Variants in ARHGAP42 observed in about 807,000 individuals in gnomAD.
The protein encoded by ARHGAP42 is Rho GTPase activating protein 42, also known as rho GTPase-activating protein 42.
A neutral mutation model predicts 125.0 loss-of-function variants in ARHGAP42; 63 were observed. The ratio of observed to expected loss-of-function variants is 0.50; its 90% CI spans 0.41 to 0.62. The LOEUF is 0.62. Among genes scored for constraint, ARHGAP42 ranks in the 20% least tolerant of loss-of-function variants. The pLI, the probability that ARHGAP42 is intolerant of heterozygous loss-of-function variation, is 0.00. For synonymous variants in ARHGAP42, 339 were observed against 351.0 expected, an observed-to-expected ratio of 0.97 and a Z score of 0.38; for missense variants, 766 against 1,024.2, an observed-to-expected ratio of 0.75 and a Z score of 3.44.
At chr11:100,980,021 GAATAAC>G (rs763669332) in intron 22 of ARHGAP42, among the ~76,000 whole-genome samples, 2 of 152,116 alleles carry the variant, frequency 1.3e-5, no homozygotes, top group Non-Finnish European at 2.9e-5. Context: ...TAGTTATTAA[GAATAAC>G]AATAACAATA....
rs183040284 is a variant in ARHGAP42 at position 100,724,463 on chromosome 11, G to A, written c.154+36631G>A. Among the ~76,000 whole-genome samples the A allele has an allele frequency of 1.2e-4, 18 of 152,018 alleles. No homozygotes were observed. In the East Asian group the frequency reaches 2.5e-3, roughly 21 times the overall value. ...GTATGCACCTAGTGCTTTCTTTTTC[G>A]GGAGGTTTTTAGTTATTATTATTAT... On this transcript the variant is annotated intron_variant, in intron 1 of 23. Transcript: ENST00000298815.
chr11:100,838,170 G>T (rs949813433), intron 3 of ARHGAP42, among the ~76,000 whole-genome samples: 1 of 151,832 alleles, frequency 6.6e-6, no homozygotes, highest in African/African-American at 2.4e-5. Flanking sequence ...TTTGTGTGAT[G>T]CTTCCTTCTG....
chr11:100,846,958 A>G (rs1865082262), intron 3 of ARHGAP42, among the ~76,000 whole-genome samples: 1 of 152,174 alleles, frequency 6.6e-6, no homozygotes, highest in Non-Finnish European at 1.5e-5. Context: ...GGATGGCACC[A>G]GGTTCAAGCA....
chr11:100,975,641 G>T (rs570189243), intron 19 of ARHGAP42, among the ~76,000 whole-genome samples: 1 of 152,278 alleles, frequency 6.6e-6, no homozygotes, highest in East Asian at 1.9e-4. Flanking sequence ...AAAAGTAAAA[G>T]AAAGCAGAAA....
At chr11:100,846,760 A>T (rs900902410) in intron 3 of ARHGAP42, among the ~76,000 whole-genome samples, 6 of 152,128 alleles carry the variant, frequency 3.9e-5, no homozygotes, top group Non-Finnish European at 8.8e-5. Flanking sequence ...GGGCCTCGAG[A>T]CTTAGCCTAG....
chr11:100,878,012 A>AG (rs1420393016), intron 4 of ARHGAP42, among the ~76,000 whole-genome samples: 2 of 151,424 alleles, frequency 1.3e-5, no homozygotes, highest in African/African-American at 4.8e-5. Context: ...CCCAGAAAAA[A>AG]AAAAAAAAAA....
At chr11:100,823,298 G>A (rs1864444438) in intron 3 of ARHGAP42, among the ~76,000 whole-genome samples, 1 of 152,122 alleles carries the variant, frequency 6.6e-6, no homozygotes, top group Admixed American at 6.5e-5. Context: ...GTGAAAGATC[G>A]TGCCCTGGAA....
intron 4 of ARHGAP42, among the ~76,000 whole-genome samples, chr11:100,905,886 G>A (rs1192051566): frequency 6.6e-6 from 1 of 152,222 alleles, no homozygotes; most frequent in African/African-American, 2.4e-5. Flanking sequence ...GCCGAGGCAC[G>A]GGAATCGTTT....
intron 4 of ARHGAP42, among the ~76,000 whole-genome samples, chr11:100,900,655 A>C (rs963065099): frequency 6.6e-6 from 1 of 152,000 alleles, no homozygotes; most frequent in Non-Finnish European, 1.5e-5. Flanking sequence ...TATTTCATTA[A>C]TTTGATCTTC....
At chr11:100,979,281 A>G (rs1318073869) in intron 22 of ARHGAP42, among the ~76,000 whole-genome samples, 1 of 152,200 alleles carries the variant, frequency 6.6e-6, no homozygotes, top group African/African-American at 2.4e-5. Context: ...CTAAACAAAC[A>G]CATTTCCTAG....
At chr11:100,708,742 A>G (rs1327096300) in intron 1 of ARHGAP42, among the ~76,000 whole-genome samples, 1 of 152,194 alleles carries the variant, frequency 6.6e-6, no homozygotes. Flanking sequence ...AAATATTATA[A>G]TTGTATCACA....
rs776552447 is a variant in ARHGAP42 at position 100,961,017 on chromosome 11, A to G, written c.1300+28A>G. On this transcript the variant is annotated intron_variant, in intron 14 of 23. Transcript: ENST00000298815. Reference sequence around the variant, plus strand: ...AAGTTTTGGATGAAGCAACTTACATAATTTTTGTGTTCTTATAGGTAATCT... The same window carrying G: ...AAGTTTTGGATGAAGCAACTTACATGATTTTTGTGTTCTTATAGGTAATCT... The G allele has an allele frequency of 5.4e-6, 8 of 1,479,510 alleles. No homozygotes were observed. The South Asian group carries it at 1.1e-4, about 20-fold the overall frequency. 91.6% of individuals were successfully genotyped at this position (1,479,510 alleles called of 1,614,324 possible).
At chr11:100,875,755 G>GGGT (rs752651681) in intron 4 of ARHGAP42, among the ~76,000 whole-genome samples, 32 of 105,416 alleles carry the variant, frequency 3.0e-4, no homozygotes, top group Non-Finnish European at 5.2e-4. Flanking sequence ...GCCACGTCCA[G>GGGT]GGTGGCGGGG....
At chr11:100,769,712 CTT>C (rs140626690) in intron 1 of ARHGAP42, among the ~76,000 whole-genome samples, 1,430 of 77,924 alleles carry the variant, frequency 0.018, 8 homozygotes, top group Middle Eastern at 0.029. Context: ...AGCATTCCTT[CTT>C]TTTTTTTTTT....
chr11:100,738,433 T>C (rs188587904), intron 1 of ARHGAP42: 135 of 152,306 alleles, frequency 8.9e-4, no homozygotes, highest in African/African-American at 2.8e-3. Context: ...AACAAAGAAG[T>C]GCCAGCTTTG....
intron 1 of ARHGAP42, among the ~76,000 whole-genome samples, chr11:100,744,802 C>T (rs764288122): frequency 1.5e-4 from 23 of 151,978 alleles, no homozygotes; most frequent in Non-Finnish European, 2.5e-4. Context: ...GTTTCGGTGC[C>T]GCAAAAGAAA....
chr11:100,710,941 T>G (rs1861556334), intron 1 of ARHGAP42, among the ~76,000 whole-genome samples: 1 of 152,188 alleles, frequency 6.6e-6, no homozygotes, highest in African/African-American at 2.4e-5. Flanking sequence ...CCCCCTCAGA[T>G]CATACTTGTG....
At chr11:100,702,957 C>G (rs61910467) in intron 1 of ARHGAP42, among the ~76,000 whole-genome samples, 82,352 of 151,366 alleles carry the variant, frequency 0.54, 23,103 homozygotes, top group African/African-American at 0.71. Context: ...CCACTGTAAT[C>G]CCTGCCTGGA....
At position 100,687,315 on chromosome 11, in the gene ARHGAP42, G is replaced by A. The variant is rs1861097685; in HGVS notation, c.-364G>A. On this transcript the variant is annotated 5_prime_UTR_variant, in exon 1 of 24. Coordinates refer to ENST00000298815, the MANE Select transcript of ARHGAP42 (RefSeq NM_152432.4). The stretch of plus-strand genomic sequence containing the variant: ...AACGCCGACGACTGTCAAGAGAGTT[G>A]GGGAGTGGAACTGCCGGAAGTGTCT... 6.6e-6 allele frequency among the ~76,000 whole-genome samples: 1 copy of A among 152,098 alleles called. No homozygotes were observed. The highest frequency in any genetic ancestry group is 1.5e-5 in the Non-Finnish European group (1 of 67,984).
Sources: gnomAD v4.1 joint callset for allele counts (sites outside exome capture counted in the v4.1 genomes callset) on GRCh38, gnomAD v4.1.1 for gene constraint, MANE v1.5 for transcripts, NCBI Gene and HGNC (gene_info 2026-07-23, HGNC 2026-07-21) for gene names.